Variants in RORA observed in about 807,000 individuals in gnomAD.
The protein encoded by RORA is RAR related orphan receptor A.
In RORA, 7 loss-of-function variants were observed where a neutral mutation model predicts 69.5. The ratio of observed to expected loss-of-function variants is 0.10; its 90% CI spans 0.06 to 0.19. The LOEUF is 0.19. RORA is among the 10% of genes least tolerant of loss of function. The pLI is 1.00. For synonymous variants in RORA, 261 were observed against 240.8 expected (o/e 1.08, Z -0.78); for missense variants, 457 against 663.0 (o/e 0.69, Z 3.41).
At chr15:60,868,891 CT>C (rs1227325185) in intron 1 of RORA, among the ~76,000 whole-genome samples, 1 of 152,156 alleles carries the variant, frequency 6.6e-6, no homozygotes, top group African/African-American at 2.4e-5. Context: ...TAAAGAGCTG[CT>C]TTCTTCACAG....
intron 1 of RORA, among the ~76,000 whole-genome samples, chr15:60,712,187 A>G (rs1412381271): frequency 6.6e-6 from 1 of 152,200 alleles, no homozygotes; most frequent in Admixed American, 6.5e-5. Flanking sequence ...CTTATTCCAG[A>G]GGTGGTATAC....
intron 3 of RORA, among the ~76,000 whole-genome samples, chr15:60,521,529 C>T (rs1241733622): frequency 6.6e-6 from 1 of 152,186 alleles, no homozygotes. Flanking sequence ...GCGTGAGCCA[C>T]CGTACCTGGC....
chr15:61,146,723 T>A (rs1329566746), intron 1 of RORA, among the ~76,000 whole-genome samples: 1 of 152,208 alleles, frequency 6.6e-6, no homozygotes, highest in Admixed American at 6.5e-5. Flanking sequence ...AAAAGGCACA[T>A]CCTTCATATC....
chr15:61,145,258 T>C (rs2079336151), intron 1 of RORA, among the ~76,000 whole-genome samples: 1 of 152,236 alleles, frequency 6.6e-6, no homozygotes, highest in South Asian at 2.1e-4. Context: ...GCTACTGATA[T>C]ACTACTGTGT....
At chr15:61,052,686 A>G (rs1233862948) in intron 1 of RORA, among the ~76,000 whole-genome samples, 7 of 152,204 alleles carry the variant, frequency 4.6e-5, no homozygotes, top group Non-Finnish European at 8.8e-5. Flanking sequence ...TGGTTCCCTC[A>G]CTGACTGTTT....
intron 1 of RORA, among the ~76,000 whole-genome samples, chr15:61,081,815 A>AC (rs920729365): frequency 2.0e-5 from 3 of 151,868 alleles, no homozygotes; most frequent in African/African-American, 7.3e-5. Flanking sequence ...CTCAAAAAAA[A>AC]AAAAAAAAGA....
At chr15:60,968,301 G>A (rs780494575) in intron 1 of RORA, among the ~76,000 whole-genome samples, 1 of 152,190 alleles carries the variant, frequency 6.6e-6, no homozygotes, top group East Asian at 1.9e-4. Context: ...GAAGGTTATA[G>A]CCAATAGTCC....
At chr15:60,972,281 A>G (rs547564840) in intron 1 of RORA, among the ~76,000 whole-genome samples, 1 of 152,338 alleles carries the variant, frequency 6.6e-6, no homozygotes, top group Non-Finnish European at 1.5e-5. Flanking sequence ...AAGGAATAAT[A>G]ATACCACTGG....
chr15:60,507,051 G>C (rs920283697), intron 5 of RORA, among the ~76,000 whole-genome samples: 3 of 151,934 alleles, frequency 2.0e-5, no homozygotes, highest in Admixed American at 1.3e-4. Context: ...TGGTGTATTG[G>C]AGCACAGAGA....
chr15:61,020,005 A>C (rs961245479), intron 1 of RORA, among the ~76,000 whole-genome samples: 3 of 152,208 alleles, frequency 2.0e-5, no homozygotes, highest in African/African-American at 7.2e-5. Flanking sequence ...CCACTGAAGG[A>C]ATCACTAACC....
At chr15:60,884,633 C>A (rs780901700) in intron 1 of RORA, among the ~76,000 whole-genome samples, 1 of 151,986 alleles carries the variant, frequency 6.6e-6, no homozygotes, top group Non-Finnish European at 1.5e-5. Flanking sequence ...CAGGGTGGGC[C>A]CCACAGTAAC....
At chr15:60,818,358 G>A (rs748051583) in intron 1 of RORA, among the ~76,000 whole-genome samples, 42 of 152,144 alleles carry the variant, frequency 2.8e-4, no homozygotes, top group African/African-American at 5.6e-4. Context: ...GGAGAAACCC[G>A]TTAGAATTAT....
intron 1 of RORA, among the ~76,000 whole-genome samples, chr15:60,987,096 G>C (rs1452224060): frequency 6.6e-6 from 1 of 152,162 alleles, no homozygotes; most frequent in Non-Finnish European, 1.5e-5. Flanking sequence ...CACATAACAA[G>C]GGATATGATG....
chr15:60,939,469 G>T (rs916140145), intron 1 of RORA, among the ~76,000 whole-genome samples: 2 of 152,214 alleles, frequency 1.3e-5, no homozygotes, highest in African/African-American at 4.8e-5. Context: ...TCTGGGCCAG[G>T]CTGGTCCTGA....
intron 1 of RORA, among the ~76,000 whole-genome samples, chr15:60,730,171 T>G (rs2140836242): frequency 6.6e-6 from 1 of 152,342 alleles, no homozygotes; most frequent in African/African-American, 2.4e-5. Context: ...TTCAGTTGAC[T>G]GCAGGAGAAG....
chr15:61,072,895 A>G (rs1052173253), intron 1 of RORA, among the ~76,000 whole-genome samples: 5 of 152,234 alleles, frequency 3.3e-5, no homozygotes, highest in Admixed American at 3.3e-4. Context: ...GGCCCATAAT[A>G]AAAGTGTTGG....
In RORA at chr15:61,108,225, G is replaced by C. The variant is rs1015454225; in HGVS notation, c.166+120828C>G. ...TGATCTTGAACCAGTCAGAAAATAA[G>C]GTCATGCAAAATAGTAAACTTAAAC... On this transcript the variant is annotated intron_variant, in intron 1 of 10. Coordinates refer to ENST00000335670, the MANE Select transcript of RORA (RefSeq NM_134261.3). 3.2e-4 allele frequency among the ~76,000 whole-genome samples: 49 copies of C among 152,244 alleles called. 1 individual carries two copies. The highest frequency in any genetic ancestry group is 9.9e-4 in the African/African-American group (41 of 41,540).
At chr15:61,036,957 A>G (rs73424321) in intron 1 of RORA, among the ~76,000 whole-genome samples, 2,772 of 152,126 alleles carry the variant, frequency 0.018, 84 homozygotes, top group African/African-American at 0.062. Flanking sequence ...ACTTTTAACA[A>G]ACACTACAGG....
chr15:60,918,742 C>T (rs746019941), intron 1 of RORA, among the ~76,000 whole-genome samples: 13 of 152,110 alleles, frequency 8.5e-5, no homozygotes, highest in Non-Finnish European at 1.6e-4. Context: ...TGTTTCTGGG[C>T]ATGTCTGGGG....
Sources: gnomAD v4.1 joint callset for allele counts (sites outside exome capture counted in the v4.1 genomes callset) on GRCh38, gnomAD v4.1.1 for gene constraint, MANE v1.5 for transcripts, NCBI Gene and HGNC (gene_info 2026-07-23, HGNC 2026-07-21) for gene names.